DTHD1: variants seen among roughly 807,000 people sequenced by gnomAD.
DTHD1 encodes death domain-containing protein 1.
A neutral mutation model predicts 74.8 loss-of-function variants in DTHD1; 59 were observed. That is an observed-to-expected ratio of 0.79 (90% CI 0.64 to 0.98). The LOEUF is 0.98. Among genes scored for constraint, DTHD1 ranks in the 50% least tolerant of loss-of-function variants. The pLI is 0.00. For synonymous variants in DTHD1, 365 were observed against 371.1 expected (o/e 0.98, Z 0.19); for missense variants, 1,051 against 1,065.4 (o/e 0.99, Z 0.19).
In DTHD1 at chr4:36,295,020, A is replaced by G. The variant is rs748136362; in HGVS notation, c.1624A>G (p.Thr542Ala). The change falls in exon 5 of 10, where the codon ACA (threonine) becomes GCA (alanine). Residue 542 changes from threonine (T) to alanine (A), a missense_variant. Physicochemically the swap from Thr to Ala is moderately conservative, Grantham distance 58. Transcript: ENST00000639862. ...RRASATINRI[T>A]PSYFNRTKIA... is the part of the protein sequence containing the mutation. ...AGCAAGTGCCACAATAAATAGGATTACACCTTCGTATTTCAACCGGTGAGT... is the reference window on the plus strand; with the variant it reads ...AGCAAGTGCCACAATAAATAGGATTGCACCTTCGTATTTCAACCGGTGAGT... 2.8e-5 allele frequency: 43 copies of G among 1,542,774 alleles called. 2 individuals are homozygous for G. The South Asian group carries it at 4.6e-4, about 16-fold the overall frequency.
intron 3 of DTHD1, among the ~76,000 whole-genome samples, chr4:36,292,645 C>T (rs749190916): frequency 4.6e-5 from 7 of 152,158 alleles, no homozygotes; most frequent in Non-Finnish European, 8.8e-5. Flanking sequence ...ATTCATTCAG[C>T]GATATTGTGA....
At position 36,345,354 on chromosome 4, in the gene DTHD1, CA is replaced by C. The variant is rs1759534495; in HGVS notation, c.*1531del. 2 of 152,150 alleles carry C rather than the reference CA, an allele frequency of 1.3e-5. No homozygotes were observed. The highest frequency in any genetic ancestry group is 4.1e-4 in the South Asian group (2 of 4,838). The allele number at this position is 152,150 out of a possible 1,614,324, so 9.4% of individuals were successfully genotyped here. On this transcript the variant is annotated 3_prime_UTR_variant, in exon 10 of 10. Coordinates refer to ENST00000639862, the MANE Select transcript of DTHD1 (RefSeq NM_001170700.3). ...CTGAAGCAGTTGGATATAAATGGGA[CA>C]TTGAACTAGTTTCACTGACTCATTA...
chr4:36,315,194 G>A (rs1012123232), intron 7 of DTHD1, among the ~76,000 whole-genome samples: 4 of 152,146 alleles, frequency 2.6e-5, no homozygotes, highest in African/African-American at 9.7e-5. Flanking sequence ...AAATAACAAC[G>A]TGAAATATCC....
At chr4:36,290,789 T>A in intron 3 of DTHD1, 86 bp downstream of exon 3, 1 of 1,072,054 alleles carries the variant, frequency 9.3e-7, no homozygotes, top group Non-Finnish European at 1.3e-6. Context: ...AGTGTAGATA[T>A]AATTGCTCCA....
chr4:36,343,776 T>A lies in DTHD1; in HGVS notation c.2673T>A (p.Asn891Lys), dbSNP rs779500614. The part of the protein sequence containing the change: ...LAEELKFKWE[N>K]KVFTEPQQCF... ...AAGAGCTCAAATTCAAGTGGGAAAA[T>A]AAAGTGTTCACTGAACCACAGCAGT... Residue 891 changes from asparagine (N) to lysine (K), a missense_variant, in exon 10 of 10, where the codon AAT becomes AAA. Transcript: ENST00000639862. The A allele has an allele frequency of 6.4e-7, 1 of 1,551,146 alleles. No individual in the cohort carries two copies. Among genetic ancestry groups the A allele is most frequent in the Non-Finnish European group, 8.7e-7 (1 of 1,146,844 alleles).
chr4:36,302,284 T>C (rs1425545069), intron 5 of DTHD1, among the ~76,000 whole-genome samples: 1 of 152,168 alleles, frequency 6.6e-6, no homozygotes, highest in Admixed American at 6.5e-5. Flanking sequence ...AATGGGACCA[T>C]ACATGAAGAC....
Position 36,343,947 on chromosome 4 carries a change from A to G in DTHD1, c.*123A>G, listed in dbSNP as rs1413390845. 1.0e-6 allele frequency: 1 copy of G among 957,610 alleles called. No homozygotes were observed. The highest frequency in any genetic ancestry group is 1.5e-6 in the Non-Finnish European group (1 of 663,126). The allele number at this position is 957,610 out of a possible 1,614,324, so 59.3% of individuals were successfully genotyped here. A position where few individuals can be genotyped will look rare whatever the true frequency, so the allele number is the denominator to read the frequency against. On this transcript the variant is annotated 3_prime_UTR_variant, in exon 10 of 10. Coordinates refer to ENST00000639862, the MANE Select transcript of DTHD1 (RefSeq NM_001170700.3). ...AAGTCAGTCTATTTAATGATGTGCT[A>G]TTTAATGATGTGAGACAAAGGGAGA... is the stretch of plus-strand genomic sequence containing the variant.
chr4:36,296,248 A>G (rs901181610), intron 5 of DTHD1, among the ~76,000 whole-genome samples: 1 of 152,166 alleles, frequency 6.6e-6, no homozygotes. Context: ...CCTACAAACA[A>G]GTCATTTTGT....
In DTHD1 at chr4:36,343,642, C is replaced by A; in HGVS notation, c.2539C>A (p.Gln847Lys). The A allele has an allele frequency of 6.4e-7, 1 of 1,551,938 alleles. No homozygotes were observed. The change falls in exon 10 of 10, where the codon CAG becomes AAG. Residue 847 changes from glutamine to lysine, a missense_variant. Physicochemically the swap from Gln to Lys is moderately conservative, Grantham distance 53 (BLOSUM62 1). Coordinates refer to ENST00000639862, the MANE Select transcript of DTHD1 (RefSeq NM_001170700.3). ...KLKNPDDLTEQIHEFLCFWKK... is the reference protein window; with the variant it reads ...KLKNPDDLTEKIHEFLCFWKK... ...CAAGAACCCTGATGATCTCACAGAA[C>A]AGATCCACGAGTTTCTTTGCTTCTG... is the stretch of plus-strand genomic sequence containing the variant.
rs533519034 is a variant in DTHD1, at chr4:36,326,352, T to A, written c.2340+9866T>A. 1.2e-4 allele frequency among the ~76,000 whole-genome samples: 18 copies of A among 150,288 alleles called. No homozygotes were observed. The East Asian group carries it at 3.3e-3, about 28-fold the overall frequency. On this transcript the variant is annotated intron_variant, in intron 8 of 9. Coordinates refer to ENST00000639862, the MANE Select transcript of DTHD1 (RefSeq NM_001170700.3). ...TCATGGTAATGATAATAATGATGAA[T>A]ACCTACTAAATTATTCCCTGCTAGT...
rs146734672 is a variant in DTHD1 at position 36,291,506 on chromosome 4, C to T, written c.1218+803C>T. 2.5e-4 allele frequency among the ~76,000 whole-genome samples: 38 copies of T among 152,248 alleles called. 1 individual carries two copies. In the East Asian group the frequency reaches 5.4e-3, roughly 22 times the overall value. On this transcript the variant is annotated intron_variant, in intron 3 of 9. Coordinates refer to ENST00000639862, the MANE Select transcript of DTHD1 (RefSeq NM_001170700.3). The stretch of plus-strand genomic sequence containing the variant: ...CTCTGTATGATCACAAATTCATATG[C>T]TGTGAAGAGAGAATATAACAACTAT...
chr4:36,304,297 A>G (rs2109489027), intron 5 of DTHD1, among the ~76,000 whole-genome samples: 1 of 152,348 alleles, frequency 6.6e-6, no homozygotes, highest in Non-Finnish European at 1.5e-5. Context: ...TGAATAAATT[A>G]TTAACTTCCA....
chr4:36,311,834 G>A (rs1442234553), intron 7 of DTHD1: 1 of 152,078 alleles, frequency 6.6e-6, no homozygotes, highest in African/African-American at 2.4e-5. Flanking sequence ...AAGAAATGAA[G>A]ACCAAAGTTT....
At chr4:36,314,701 A>T (rs1215243134) in intron 7 of DTHD1, among the ~76,000 whole-genome samples, 1 of 151,386 alleles carries the variant, frequency 6.6e-6, no homozygotes, top group African/African-American at 2.4e-5. Context: ...TCAAAAAAAA[A>T]GAAAAGAAAA....
chr4:36,331,891 A>G (rs977606281), intron 8 of DTHD1, among the ~76,000 whole-genome samples: 2 of 152,238 alleles, frequency 1.3e-5, no homozygotes, highest in Non-Finnish European at 2.9e-5. Context: ...AGCAGTAGAA[A>G]TTACAGAGGA....
At chr4:36,297,689 T>C (rs970351805) in intron 5 of DTHD1, among the ~76,000 whole-genome samples, 1 of 152,106 alleles carries the variant, frequency 6.6e-6, no homozygotes, top group African/African-American at 2.4e-5. Flanking sequence ...TCCCTCCCTG[T>C]GCAGCTGGAG....
chr4:36,322,701 G>A (rs1005698477), intron 8 of DTHD1, among the ~76,000 whole-genome samples: 11 of 152,132 alleles, frequency 7.2e-5, no homozygotes, highest in African/African-American at 2.7e-4. Flanking sequence ...ATAATCTTCT[G>A]AAAATGATCC....
At chr4:36,313,539 C>A (rs1330676478) in intron 7 of DTHD1, among the ~76,000 whole-genome samples, 1 of 151,948 alleles carries the variant, frequency 6.6e-6, no homozygotes, top group African/African-American at 2.4e-5. Context: ...AACAATGAAA[C>A]TCCAACTTTC....
chr4:36,315,942 G>A (rs893802230), intron 7 of DTHD1, among the ~76,000 whole-genome samples: 2 of 152,058 alleles, frequency 1.3e-5, no homozygotes, highest in South Asian at 2.1e-4. Flanking sequence ...CATCTTTTTC[G>A]TTTGTTTGTT....
Sources: allele counts gnomAD v4.1 joint callset (sites outside exome capture counted in the v4.1 genomes callset), GRCh38; gene constraint gnomAD v4.1.1; transcripts MANE v1.5; gene names NCBI Gene and HGNC (gene_info 2026-07-23, HGNC 2026-07-21).